CSMD3: variants seen among roughly 807,000 people sequenced by gnomAD.
CSMD3 encodes CUB and Sushi multiple domains 3.
Under a neutral mutation model 435.2 loss-of-function variants are expected in CSMD3, and 177 were observed. The observed-to-expected ratio is 0.41, with a 90% CI of 0.36 to 0.46. The LOEUF (loss-of-function observed/expected upper bound fraction) is 0.46. Ranked by LOEUF, CSMD3 falls within the 20% of genes least tolerant of loss-of-function variation. The pLI is 0.34. For missense variants in CSMD3, 4,265 were observed against 4,504.6 expected, an observed-to-expected ratio of 0.95 and a Z score of 1.52; for synonymous variants, 1,656 against 1,520.5, an observed-to-expected ratio of 1.09 and a Z score of -2.07.
At chr8:112,990,082 C>G (rs2085396500) in intron 6 of CSMD3, among the ~76,000 whole-genome samples, 1 of 151,970 alleles carries the variant, frequency 6.6e-6, no homozygotes, top group Non-Finnish European at 1.5e-5. Flanking sequence ...GATTGTGAGG[C>G]CTCCCCAGCC....
intron 12 of CSMD3, among the ~76,000 whole-genome samples, chr8:112,813,912 G>A (rs950728768): frequency 6.6e-6 from 1 of 152,188 alleles, no homozygotes. Context: ...GAAAGGCCAG[G>A]CTCCACCCCC....
chr8:112,594,386 G>A (rs1308260733), intron 22 of CSMD3, among the ~76,000 whole-genome samples: 1 of 152,114 alleles, frequency 6.6e-6, no homozygotes, highest in Non-Finnish European at 1.5e-5. Flanking sequence ...GAGTCTCGCT[G>A]ATTGCTAGCA....
intron 4 of CSMD3, among the ~76,000 whole-genome samples, chr8:113,102,638 C>T (rs951052224): frequency 6.6e-6 from 1 of 152,034 alleles, no homozygotes; most frequent in African/African-American, 2.4e-5. Context: ...GATGCTGGAC[C>T]AGAAACACAA....
intron 32 of CSMD3, among the ~76,000 whole-genome samples, chr8:112,429,141 T>A (rs142913787): frequency 6.6e-6 from 1 of 152,170 alleles, no homozygotes; most frequent in African/African-American, 2.4e-5. Flanking sequence ...TAGAATTTAT[T>A]CTTATTATAG....
At chr8:112,366,438 C>T (rs1012775132) in intron 38 of CSMD3, among the ~76,000 whole-genome samples, 1 of 152,204 alleles carries the variant, frequency 6.6e-6, no homozygotes, top group Non-Finnish European at 1.5e-5. Context: ...GCTCTTGTCA[C>T]TCAGGCTGGA....
intron 6 of CSMD3, among the ~76,000 whole-genome samples, chr8:112,980,035 T>C (rs2084992028): frequency 6.6e-6 from 1 of 150,934 alleles, no homozygotes; most frequent in African/African-American, 2.4e-5. Flanking sequence ...AAATTTTATT[T>C]AATAGTAATA....
At chr8:113,224,871 A>C (rs142967092) in intron 3 of CSMD3, among the ~76,000 whole-genome samples, 11 of 151,206 alleles carry the variant, frequency 7.3e-5, no homozygotes, top group African/African-American at 2.7e-4. Context: ...TATGAAATGC[A>C]TTGTGAAATG....
chr8:113,228,529 T>C (rs377413682), intron 3 of CSMD3, among the ~76,000 whole-genome samples: 11 of 151,448 alleles, frequency 7.3e-5, no homozygotes, highest in African/African-American at 2.2e-4. Context: ...CAGAATGCCA[T>C]GAAAAGGGAT....
intron 10 of CSMD3, among the ~76,000 whole-genome samples, chr8:112,870,427 T>C (rs1160710585): frequency 1.3e-5 from 2 of 151,016 alleles, no homozygotes; most frequent in Non-Finnish European, 3.0e-5. Context: ...TGCCACCACA[T>C]CCGGCTAATT....
intron 9 of CSMD3, among the ~76,000 whole-genome samples, chr8:112,931,643 C>G (rs1040694848): frequency 1.3e-5 from 2 of 151,916 alleles, no homozygotes; most frequent in African/African-American, 4.8e-5. Flanking sequence ...AAGGAAAAAT[C>G]AACAAAGTAA....
At chr8:112,622,521 T>C (rs1586826711) in intron 22 of CSMD3, among the ~76,000 whole-genome samples, 2 of 152,280 alleles carry the variant, frequency 1.3e-5, no homozygotes, top group East Asian at 3.9e-4. Context: ...TTTTAATTTG[T>C]CCAGTCCTTA....
At chr8:112,470,622 T>G (rs1345208950) in intron 32 of CSMD3, among the ~76,000 whole-genome samples, 1 of 151,988 alleles carries the variant, frequency 6.6e-6, no homozygotes, top group Non-Finnish European at 1.5e-5. Flanking sequence ...TAGACATACT[T>G]CACATGTATA....
intron 35 of CSMD3, 102 bp downstream of exon 35, chr8:112,406,422 A>C: frequency 1.6e-6 from 1 of 612,036 alleles, no homozygotes; most frequent in Non-Finnish European, 2.8e-6. Context: ...ATTTAAAATT[A>C]AGTACATAAT....
intron 17 of CSMD3, among the ~76,000 whole-genome samples, chr8:112,663,289 T>G (rs1586918566): frequency 1.3e-5 from 2 of 151,952 alleles, no homozygotes. Flanking sequence ...ATATACACCA[T>G]GGAATACTAT....
At chr8:113,048,158 TC>T (rs1414748603) in intron 5 of CSMD3, among the ~76,000 whole-genome samples, 1 of 150,090 alleles carries the variant, frequency 6.7e-6, no homozygotes, top group African/African-American at 2.5e-5. Context: ...AGTGGCGCGA[TC>T]TCGGCTCACT....
At chr8:113,396,625 T>C (rs1454479628) in intron 1 of CSMD3, among the ~76,000 whole-genome samples, 1 of 152,160 alleles carries the variant, frequency 6.6e-6, no homozygotes, top group Non-Finnish European at 1.5e-5. Flanking sequence ...GCTAAGATAT[T>C]GTATGTCTTT....
intron 3 of CSMD3, among the ~76,000 whole-genome samples, chr8:113,261,004 T>G (rs2093422583): frequency 6.6e-6 from 1 of 152,166 alleles, no homozygotes; most frequent in African/African-American, 2.4e-5. Context: ...TTCCAAGTCT[T>G]TGCTATTGTA....
chr8:113,287,997 A>G (rs1164745968), intron 2 of CSMD3, among the ~76,000 whole-genome samples: 1 of 151,776 alleles, frequency 6.6e-6, no homozygotes, highest in Non-Finnish European at 1.5e-5. Context: ...TATTAATGAA[A>G]TTTTCCTCTC....
At chr8:113,389,411 C>T (rs1042379478) in intron 1 of CSMD3, among the ~76,000 whole-genome samples, 4 of 151,578 alleles carry the variant, frequency 2.6e-5, no homozygotes, top group Admixed American at 6.6e-5. Context: ...AGTTTATCCT[C>T]TTATCTTTCC....
Sources: allele counts gnomAD v4.1 joint callset (sites outside exome capture counted in the v4.1 genomes callset), GRCh38; gene constraint gnomAD v4.1.1; transcripts MANE v1.5; gene names NCBI Gene and HGNC (gene_info 2026-07-23, HGNC 2026-07-21).